The following MARCHF8 variants were observed in gnomAD, a reference collection of about 807,000 sequenced individuals.
The protein encoded by MARCHF8 is membrane associated ring-CH-type finger 8.
A neutral mutation model predicts 51.6 loss-of-function variants in MARCHF8; 40 were observed. The observed-to-expected ratio is 0.77, with a 90% CI of 0.60 to 1.01. The LOEUF (loss-of-function observed/expected upper bound fraction) is 1.01. Among genes scored for constraint, MARCHF8 ranks in the 50% least tolerant of loss-of-function variants. The pLI is 0.00. For synonymous variants in MARCHF8, 263 were observed against 280.3 expected (o/e 0.94, Z 0.62); for missense variants, 685 against 708.6 (o/e 0.97, Z 0.38).
rs1842630406 is a variant in MARCHF8, at chr10:45,457,172, C to G, written c.*1067G>C. On this transcript the variant is annotated 3_prime_UTR_variant, in exon 8 of 8. Transcript: ENST00000453424. ...CCGGCCAGGGTGGCACATGGCTGCT[C>G]TTTCAATGTGAAGCCAACACCAACT... 1 of 152,242 alleles carries G rather than the reference C, an allele frequency of 6.6e-6. No individual in the cohort carries two copies. The highest frequency in any genetic ancestry group is 2.1e-4 in the South Asian group (1 of 4,836). 9.4% of individuals were successfully genotyped at this position (152,242 alleles called of 1,614,324 possible).
chr10:45,468,975 C>T (rs1320787293), intron 3 of MARCHF8, among the ~76,000 whole-genome samples: 1 of 152,104 alleles, frequency 6.6e-6, no homozygotes, highest in African/African-American at 2.4e-5. Context: ...GGAATTCATC[C>T]TCACACACCT....
chr10:45,492,202 C>T (rs778830591), intron 2 of MARCHF8, among the ~76,000 whole-genome samples: 2 of 152,198 alleles, frequency 1.3e-5, no homozygotes, highest in Non-Finnish European at 2.9e-5. Context: ...TTCTCCACTA[C>T]TTGGTAGGAT....
intron 3 of MARCHF8, among the ~76,000 whole-genome samples, chr10:45,484,195 AAAG>A (rs2042940321): frequency 2.0e-5 from 3 of 152,212 alleles, no homozygotes; most frequent in Non-Finnish European, 2.9e-5. Context: ...TAAACTAAAA[AAAG>A]AAAACCAATC....
At chr10:45,476,177 C>T (rs1319810125) in intron 3 of MARCHF8, among the ~76,000 whole-genome samples, 1 of 152,134 alleles carries the variant, frequency 6.6e-6, no homozygotes, top group Non-Finnish European at 1.5e-5. Flanking sequence ...AAATATGACA[C>T]CCACAAAGGA....
intron 3 of MARCHF8, among the ~76,000 whole-genome samples, chr10:45,475,024 G>C (rs575445987): frequency 2.6e-5 from 4 of 152,194 alleles, no homozygotes; most frequent in Non-Finnish European, 5.9e-5. Context: ...ACCATACTGA[G>C]AGCCCAGTCC....
intron 2 of MARCHF8, among the ~76,000 whole-genome samples, chr10:45,529,900 T>C (rs994206732): frequency 5.3e-5 from 8 of 152,258 alleles, no homozygotes; most frequent in African/African-American, 9.6e-5. Context: ...AAAGAACTAA[T>C]AGAAATACCA....
chr10:45,481,937 A>C (rs575966084), intron 3 of MARCHF8, among the ~76,000 whole-genome samples: 20 of 152,366 alleles, frequency 1.3e-4, no homozygotes, highest in Admixed American at 5.9e-4. Flanking sequence ...AGGCTCCATT[A>C]GAAAACTTAG....
intron 2 of MARCHF8, among the ~76,000 whole-genome samples, chr10:45,505,793 GT>G (rs902053978): frequency 1.3e-5 from 2 of 152,178 alleles, no homozygotes; most frequent in Non-Finnish European, 1.5e-5. Context: ...TGGTTTGTTA[GT>G]TTTTTTCTGT....
chr10:45,566,659 T>C (rs947771402), intron 1 of MARCHF8, among the ~76,000 whole-genome samples: 1 of 152,008 alleles, frequency 6.6e-6, no homozygotes, highest in Non-Finnish European at 1.5e-5. Flanking sequence ...ATTTTCTTTA[T>C]CCATTCATCT....
chr10:45,555,059 A>C (rs912309626), intron 1 of MARCHF8, among the ~76,000 whole-genome samples: 1 of 151,708 alleles, frequency 6.6e-6, no homozygotes, highest in African/African-American at 2.4e-5. Flanking sequence ...GTCTCCAAAA[A>C]TAAAAATAAG....
rs542762029 is a variant in MARCHF8, at chr10:45,466,035, A to C, written c.154-1708T>G. ...ACATCCCTTGCATCTTCTAGGCCTGACTGCATAAGCCATTGTCCTTTTTCT... is the reference window on the plus strand; with the variant it reads ...ACATCCCTTGCATCTTCTAGGCCTGCCTGCATAAGCCATTGTCCTTTTTCT... On this transcript the variant is annotated intron_variant, in intron 3 of 7. Coordinates refer to ENST00000453424, the MANE Select transcript of MARCHF8 (RefSeq NM_001282866.2). Among the ~76,000 whole-genome samples the C allele has an allele frequency of 2.6e-5, 4 of 152,276 alleles. No individual in the cohort carries two copies. The East Asian group carries it at 7.7e-4, about 29-fold the overall frequency.
upstream of MARCHF8, among the ~76,000 whole-genome samples, chr10:45,539,414 G>A (rs958737536): frequency 3.9e-5 from 6 of 152,112 alleles, no homozygotes; most frequent in African/African-American, 1.4e-4. Context: ...ACGAATTAGA[G>A]AAGCAAGAGC....
Position 45,554,415 on chromosome 10 carries a change from A to G in MARCHF8, c.-78-21126T>C, listed in dbSNP as rs554000644. Among the ~76,000 whole-genome samples, 37 of 152,310 alleles carry G rather than the reference A, an allele frequency of 2.4e-4. No individual in the cohort carries two copies. The South Asian group carries it at 7.2e-3, about 30-fold the overall frequency. On this transcript the variant is annotated intron_variant, in intron 1 of 6. Coordinates refer to the MARCHF8 transcript ENST00000319836. ...TGAAAAGGCCTAGAAGTAACAACCA[A>G]TCTGTAGTTTCCAGACTGTGGTCAC...
intron 1 of MARCHF8, among the ~76,000 whole-genome samples, chr10:45,540,609 A>ACTAC (rs1183799926): frequency 6.6e-6 from 1 of 152,226 alleles, no homozygotes; most frequent in Admixed American, 6.5e-5. Flanking sequence ...AGCAAAAGAA[A>ACTAC]CTACCATCAA....
intron 2 of MARCHF8, among the ~76,000 whole-genome samples, chr10:45,518,155 G>A (rs916992617): frequency 1.3e-5 from 2 of 152,128 alleles, no homozygotes; most frequent in Non-Finnish European, 2.9e-5. Context: ...GAGATAAAAG[G>A]CCTGATGACT....
intron 2 of MARCHF8, among the ~76,000 whole-genome samples, chr10:45,522,077 CT>C (rs1368927137): frequency 9.2e-5 from 14 of 152,050 alleles, no homozygotes; most frequent in Admixed American, 9.2e-4. Flanking sequence ...TAAGACAGTC[CT>C]CCCACATTTT....
intron 2 of MARCHF8, among the ~76,000 whole-genome samples, chr10:45,515,193 AATC>A (rs1215717166): frequency 5.3e-5 from 8 of 152,366 alleles, no homozygotes; most frequent in African/African-American, 1.9e-4. Flanking sequence ...TGCAACTTAA[AATC>A]ATCATTCCAA....
chr10:45,461,432 G>A, intron 5 of MARCHF8, 21 bp from the exon 6 acceptor site: 1 of 1,518,712 alleles, frequency 6.6e-7, no homozygotes, highest in East Asian at 2.5e-5. Flanking sequence ...AGGAAAACCT[G>A]TCATTCCAAG....
intron 2 of MARCHF8, among the ~76,000 whole-genome samples, chr10:45,514,986 C>G (rs2043594953): frequency 6.6e-6 from 1 of 152,126 alleles, no homozygotes; most frequent in Non-Finnish European, 1.5e-5. Flanking sequence ...ACCATCATCA[C>G]AGGGTGGGGG....
Sources: allele counts gnomAD v4.1 joint callset (sites outside exome capture counted in the v4.1 genomes callset), GRCh38; gene constraint gnomAD v4.1.1; transcripts MANE v1.5; gene names NCBI Gene and HGNC (gene_info 2026-07-23, HGNC 2026-07-21).